Variants in DIMT1 observed in about 807,000 individuals in gnomAD.
DIMT1 encodes the protein dimethyladenosine transferase.
In DIMT1, 36 loss-of-function variants were observed where a neutral mutation model predicts 43.2. The ratio of observed to expected loss-of-function variants is 0.83; its 90% confidence interval spans 0.64 to 1.10. DIMT1 has a LOEUF of 1.10. DIMT1 is among the 50% of genes least tolerant of loss of function. DIMT1 has a pLI of 0.00. For synonymous variants in DIMT1, 126 were observed against 130.3 expected, an observed-to-expected ratio of 0.97 and a Z score of 0.22; for missense variants, 341 against 385.3, an observed-to-expected ratio of 0.88 and a Z score of 0.96.
chr5:62,393,528 T>C (rs143439564), intron 8 of DIMT1, among the ~76,000 whole-genome samples: 1 of 152,298 alleles, frequency 6.6e-6, no homozygotes, highest in Non-Finnish European at 1.5e-5. Context: ...TAAACCTCCT[T>C]GAAGGAGTTA....
chr5:62,397,778 G>A (rs939874275), intron 6 of DIMT1, among the ~76,000 whole-genome samples: 5 of 151,800 alleles, frequency 3.3e-5, no homozygotes, highest in East Asian at 1.9e-4. Context: ...CCTCCCGAGT[G>A]GCTGGGACTA....
At chr5:62,403,470 G>T in intron 1 of DIMT1, 124 bp from the exon 2 acceptor site, 1 of 1,032,172 alleles carries the variant, frequency 9.7e-7, no homozygotes, top group Non-Finnish European at 1.5e-6. Flanking sequence ...GAAACGTCAC[G>T]CCAGGACTGA....
chr5:62,400,580 C>T (rs959085775), intron 3 of DIMT1, among the ~76,000 whole-genome samples: 6 of 151,712 alleles, frequency 4.0e-5, no homozygotes, highest in Non-Finnish European at 5.9e-5. Context: ...GATTGGGTCT[C>T]GCTTTGTTGC....
In DIMT1 at chr5:62,402,043, G is replaced by C; in HGVS notation, c.233C>G (p.Ala78Gly). ...ATTAAATCCCCTTTCTACCTTTTTTGCCTTTTCTAACAACTTTACAGTCAT... is the reference window on the plus strand; with the variant it reads ...ATTAAATCCCCTTTCTACCTTTTTTCCCTTTTCTAACAACTTTACAGTCAT... ...GNMTVKLLEKAKKVVACELDP... is the reference protein window; with the variant it reads ...GNMTVKLLEKGKKVVACELDP... Residue 78 changes from alanine to glycine, a missense_variant, in exon 3 of 12, where the codon GCA becomes GGA. By Grantham distance (60) the Ala-to-Gly change is moderately conservative. Coordinates refer to ENST00000199320, the MANE Select transcript of DIMT1 (RefSeq NM_014473.4). The C allele has an allele frequency of 6.2e-7, 1 of 1,606,536 alleles. No individual in the cohort carries two copies. The highest frequency in any genetic ancestry group is 8.5e-7 in the Non-Finnish European group (1 of 1,177,880).
At chr5:62,391,353 T>C (rs1742299368) in intron 10 of DIMT1, 1 of 172,990 alleles carries the variant, frequency 5.8e-6, no homozygotes, top group African/African-American at 2.4e-5. Flanking sequence ...AACCACCTCA[T>C]TTTTCTCAAA....
rs185400067 is a variant in DIMT1 at position 62,397,857 on chromosome 5, C to T, written c.446+654G>A. Reference sequence around the variant, plus strand: ...TAGATGTGGGGTTTCACCATGTTAGCCAGGATGGTCTCGATCTCCTGACCT... The same window carrying T: ...TAGATGTGGGGTTTCACCATGTTAGTCAGGATGGTCTCGATCTCCTGACCT... On this transcript the variant is annotated intron_variant, in intron 6 of 11. Coordinates refer to ENST00000199320, the MANE Select transcript of DIMT1 (RefSeq NM_014473.4). Among the ~76,000 whole-genome samples the T allele has an allele frequency of 7.7e-3, 1,172 of 152,250 alleles. 11 individuals carry two copies. The highest frequency in any genetic ancestry group is 0.01 in the Non-Finnish European group (689 of 68,026).
rs370225756 is a variant in DIMT1, at chr5:62,403,826, C to A, written c.-54G>T. 6.4e-7 allele frequency: 1 copy of A among 1,570,282 alleles called. No individual in the cohort carries two copies. The highest frequency in any genetic ancestry group is 1.1e-5 in the South Asian group (1 of 88,182). On this transcript the variant is annotated 5_prime_UTR_variant, in exon 1 of 12. Coordinates refer to ENST00000199320, the MANE Select transcript of DIMT1 (RefSeq NM_014473.4). The stretch of plus-strand genomic sequence containing the variant: ...GGACGTCAAGGAGGACCAAAGAGGG[C>A]TAGCGTGAGAAAGCCACCACGTGGG...
rs1042294418 is a variant in DIMT1, at chr5:62,398,639, G to T, written c.396+7C>A. On this transcript the variant is annotated splice_region_variant and intron_variant, in intron 5 of 11. Transcript: ENST00000199320. Reference sequence around the variant, plus strand: ...AGTATGATGTTCCTGAAAATGTGAGGACATACCTGATAAGGCAAATTTGCC... The same window carrying T: ...AGTATGATGTTCCTGAAAATGTGAGTACATACCTGATAAGGCAAATTTGCC... 1 of 1,614,074 alleles carries T rather than the reference G, an allele frequency of 6.2e-7. No individual in the cohort carries two copies. The highest frequency in any genetic ancestry group is 1.3e-5 in the African/African-American group (1 of 75,038).
chr5:62,401,126 G>T (rs1315372433), intron 3 of DIMT1, among the ~76,000 whole-genome samples: 2 of 152,106 alleles, frequency 1.3e-5, no homozygotes, highest in Non-Finnish European at 2.9e-5. Flanking sequence ...TCAACTTCTG[G>T]TTGGAATTGG....
At chr5:62,391,757 C>A in intron 10 of DIMT1, 6 of 1,360,054 alleles carry the variant, frequency 4.4e-6, no homozygotes, top group Non-Finnish European at 5.7e-6. Flanking sequence ...AATTTCTATA[C>A]AAAGAAAGTA....
intron 2 of DIMT1, 114 bp from the exon 3 acceptor site, chr5:62,402,236 C>A: frequency 1.0e-6 from 1 of 993,264 alleles, no homozygotes; most frequent in Non-Finnish European, 1.5e-6. Flanking sequence ...TAATCTGACT[C>A]CATTTTTAGA....
At chr5:62,403,649 A>G in intron 1 of DIMT1, 45 bp downstream of exon 1, 1 of 1,573,580 alleles carries the variant, frequency 6.4e-7, no homozygotes, top group South Asian at 1.1e-5. Flanking sequence ...GTCCTGCCGG[A>G]AGACCTGACC....
chr5:62,392,178 T>C lies in DIMT1; in HGVS notation c.785A>G (p.His262Arg), dbSNP rs1479206945. ...GAACATTTTCTAACTTACAATATTA[T>C]GGACTGAACAGTGAATTCTGTAGTT... ...EKNYRIHCSV[H>R]NIIIPEDFSI... Residue 262 changes from histidine to arginine, a missense_variant, in exon 10 of 12, where the codon CAT becomes CGT. Physicochemically the swap from His to Arg is conservative, Grantham distance 29. Coordinates refer to ENST00000199320, the MANE Select transcript of DIMT1 (RefSeq NM_014473.4). 2 of 1,613,366 alleles carry C rather than the reference T, an allele frequency of 1.2e-6. No homozygotes were observed. The highest frequency in any genetic ancestry group is 1.7e-5 in the Admixed American group (1 of 59,942).
Position 62,387,835 on chromosome 5 carries a change from T to A in DIMT1, c.*1175A>T, listed in dbSNP as rs942040703. ...CTGGATTATACATTAAGAACAAGCATTATTTTAATTATGTAGTAACATTTA... is the reference window on the plus strand; with the variant it reads ...CTGGATTATACATTAAGAACAAGCAATATTTTAATTATGTAGTAACATTTA... On this transcript the variant is annotated 3_prime_UTR_variant, in exon 12 of 12. Transcript: ENST00000199320. 2 of 152,092 alleles carry A rather than the reference T, an allele frequency of 1.3e-5. No individual in the cohort carries two copies. The highest frequency in any genetic ancestry group is 2.4e-5 in the African/African-American group (1 of 41,430). 9.4% of individuals were successfully genotyped at this position (152,092 alleles called of 1,614,324 possible).
chr5:62,394,479 C>T lies in DIMT1; in HGVS notation c.570+5G>A. On this transcript the variant is annotated splice_donor_5th_base_variant and intron_variant, in intron 7 of 11. Transcript: ENST00000199320. ...AAAAAGAGAAAGAAAACAAAATTCACTTACTTTCATTAGATGGTCCACACG... is the reference window on the plus strand; with the variant it reads ...AAAAAGAGAAAGAAAACAAAATTCATTTACTTTCATTAGATGGTCCACACG... 1 of 1,613,918 alleles carries T rather than the reference C, an allele frequency of 6.2e-7. No homozygotes were observed. Among genetic ancestry groups the T allele is most frequent in the Non-Finnish European group, 8.5e-7 (1 of 1,179,902 alleles).
intron 6 of DIMT1, among the ~76,000 whole-genome samples, chr5:62,396,762 G>C (rs528885766): frequency 6.6e-6 from 1 of 152,088 alleles, no homozygotes; most frequent in South Asian, 2.1e-4. Flanking sequence ...AAAATGCCCT[G>C]AGCATTCAAA....
chr5:62,398,808 A>T lies in DIMT1; in HGVS notation c.302+12T>A, dbSNP rs746388202. On this transcript the variant is annotated intron_variant, in intron 4 of 11. Transcript: ENST00000199320. The stretch of plus-strand genomic sequence containing the variant: ...GATTGAAATGCACTTTAATTCTATT[A>T]TGTATACTCACGTGCCCTGAACTCT... 10 of 1,614,052 alleles carry T rather than the reference A, an allele frequency of 6.2e-6. No homozygotes were observed. The Admixed American group carries it at 1.7e-4, about 27-fold the overall frequency.
intron 3 of DIMT1, among the ~76,000 whole-genome samples, chr5:62,399,480 A>C (rs1488253578): frequency 6.6e-6 from 1 of 151,332 alleles, no homozygotes; most frequent in African/African-American, 2.4e-5. Context: ...ACAAAAACAA[A>C]AACAACACAA....
At chr5:62,395,912 A>C (rs1172463353) in intron 6 of DIMT1, among the ~76,000 whole-genome samples, 1 of 152,108 alleles carries the variant, frequency 6.6e-6, no homozygotes, top group Admixed American at 6.6e-5. Context: ...AGGCTGAGGT[A>C]GGAGAATCAT....
Sources: gnomAD v4.1 joint callset for allele counts (sites outside exome capture counted in the v4.1 genomes callset) on GRCh38, gnomAD v4.1.1 for gene constraint, MANE v1.5 for transcripts, NCBI Gene and HGNC (gene_info 2026-07-23, HGNC 2026-07-21) for gene names.